The following LRRC7 variants were observed in gnomAD, a reference collection of about 807,000 sequenced individuals.
The protein encoded by LRRC7 is leucine-rich repeat-containing protein 7.
Under a neutral mutation model 175.7 loss-of-function variants are expected in LRRC7, and 23 were observed. The ratio of observed to expected loss-of-function variants is 0.13; its 90% confidence interval spans 0.09 to 0.19. LRRC7 has a LOEUF of 0.19. Ranked by LOEUF, LRRC7 falls within the 10% of genes least tolerant of loss-of-function variation. LRRC7 has a pLI of 1.00. For missense variants in LRRC7, 1,354 were observed against 1,904.7 expected (o/e 0.71, Z 5.38); for synonymous variants, 685 against 680.9 (o/e 1.01, Z -0.09).
At chr1:69,936,545 T>G (rs1648046705) in intron 8 of LRRC7, among the ~76,000 whole-genome samples, 1 of 152,188 alleles carries the variant, frequency 6.6e-6, no homozygotes, top group Non-Finnish European at 1.5e-5. Flanking sequence ...TTCCAGTTGC[T>G]TGTTGCAGGT....
intron 10 of LRRC7, among the ~76,000 whole-genome samples, chr1:69,991,067 A>C (rs1408764982): frequency 6.6e-6 from 1 of 151,178 alleles, no homozygotes; most frequent in East Asian, 2.0e-4. Context: ...AGGCAGTAGG[A>C]TTGCTTGAGC....
At chr1:69,644,608 T>TA (rs1654731516) in intron 1 of LRRC7, among the ~76,000 whole-genome samples, 1 of 151,966 alleles carries the variant, frequency 6.6e-6, no homozygotes. Context: ...TATCAACTAT[T>TA]AAAGGAAGAA....
intron 18 of LRRC7, 32 bp downstream of exon 18, chr1:70,028,403 G>A (rs772113278): frequency 1.3e-6 from 2 of 1,587,360 alleles, no homozygotes; most frequent in South Asian, 2.3e-5. Flanking sequence ...TTGCCAGTGT[G>A]GTTTGGATTT....
intron 2 of LRRC7, among the ~76,000 whole-genome samples, chr1:69,720,597 C>G (rs1036007639): frequency 1.4e-5 from 2 of 147,692 alleles, no homozygotes; most frequent in African/African-American, 5.0e-5. Context: ...TTTAGGATTT[C>G]TTTTAGTGCT....
At chr1:70,052,510 TA>T (rs1315566958) in intron 22 of LRRC7, among the ~76,000 whole-genome samples, 1 of 152,128 alleles carries the variant, frequency 6.6e-6, no homozygotes, top group Non-Finnish European at 1.5e-5. Flanking sequence ...CATAGTACCA[TA>T]AATCTTGCAC....
intron 2 of LRRC7, among the ~76,000 whole-genome samples, chr1:69,725,908 A>G (rs1023032165): frequency 6.6e-6 from 1 of 152,212 alleles, no homozygotes; most frequent in Non-Finnish European, 1.5e-5. Flanking sequence ...CTGTTTGACT[A>G]TATTTCTAAA....
intron 1 of LRRC7, among the ~76,000 whole-genome samples, chr1:69,622,869 AG>A (rs1160602341): frequency 6.6e-6 from 1 of 152,200 alleles, no homozygotes. Context: ...TACTAAATAT[AG>A]GCCAGGATAA....
At chr1:69,728,456 C>G (rs183899500) in intron 2 of LRRC7, among the ~76,000 whole-genome samples, 33 of 152,260 alleles carry the variant, frequency 2.2e-4, no homozygotes, top group African/African-American at 7.9e-4. Flanking sequence ...TAAAGCTATC[C>G]TGCAGTTCAT....
At chr1:70,111,679 TGAAAAGATGAATA>T (rs1665537801) in intron 26 of LRRC7, among the ~76,000 whole-genome samples, 1 of 152,144 alleles carries the variant, frequency 6.6e-6, no homozygotes, top group Non-Finnish European at 1.5e-5. Context: ...GTTATTCTGT[TGAAAAGATGAATA>T]GACTGGAAAA....
chr1:69,674,301 G>T (rs559754321), intron 1 of LRRC7, among the ~76,000 whole-genome samples: 114 of 152,262 alleles, frequency 7.5e-4, no homozygotes, highest in African/African-American at 2.6e-3. Flanking sequence ...GTCCAGAAAA[G>T]ATTGGTTAAA....
At chr1:69,603,019 CT>C (rs1203390192) in intron 1 of LRRC7, among the ~76,000 whole-genome samples, 1 of 152,160 alleles carries the variant, frequency 6.6e-6, no homozygotes, top group Non-Finnish European at 1.5e-5. Context: ...ACAAAATTGC[CT>C]AACAACACAT....
chr1:69,987,776 C>A (rs972774411), intron 10 of LRRC7, among the ~76,000 whole-genome samples: 4 of 152,176 alleles, frequency 2.6e-5, no homozygotes, highest in African/African-American at 9.7e-5. Flanking sequence ...TTAGTTTTAG[C>A]AAAATTGTGG....
At chr1:69,764,875 G>C (rs1225986572) in intron 3 of LRRC7, among the ~76,000 whole-genome samples, 2 of 151,958 alleles carry the variant, frequency 1.3e-5, no homozygotes, top group Admixed American at 1.3e-4. Context: ...TTCTATTACA[G>C]CTGAAATAAG....
At chr1:69,751,807 G>A (rs1669875744) in intron 2 of LRRC7, among the ~76,000 whole-genome samples, 3 of 152,132 alleles carry the variant, frequency 2.0e-5, no homozygotes, top group South Asian at 2.1e-4. Context: ...TTTGCCGTAA[G>A]TAGAACTTAA....
At chr1:69,926,107 G>A (rs1216836514) in intron 7 of LRRC7, among the ~76,000 whole-genome samples, 26 of 151,346 alleles carry the variant, frequency 1.7e-4, no homozygotes, top group African/African-American at 4.4e-4. Context: ...GTAGTTGAGC[G>A]GTTTTGAGTG....
chr1:69,810,771 C>G (rs1677746288), intron 4 of LRRC7, among the ~76,000 whole-genome samples: 1 of 152,084 alleles, frequency 6.6e-6, no homozygotes, highest in Non-Finnish European at 1.5e-5. Flanking sequence ...CAAAAATTAA[C>G]TCAGGTCAGA....
At chr1:69,780,675 A>C (rs931296656) in intron 3 of LRRC7, among the ~76,000 whole-genome samples, 1 of 152,232 alleles carries the variant, frequency 6.6e-6, no homozygotes, top group African/African-American at 2.4e-5. Flanking sequence ...TGTTTTAAAC[A>C]AAGGAAATTT....
intron 3 of LRRC7, among the ~76,000 whole-genome samples, chr1:69,771,534 A>G (rs1256870358): frequency 6.6e-6 from 1 of 152,182 alleles, no homozygotes; most frequent in Non-Finnish European, 1.5e-5. Flanking sequence ...ATCAAATATC[A>G]TTAAAATCTG....
chr1:70,038,324 A>G lies in LRRC7; in HGVS notation c.2500A>G (p.Ser834Gly). ...AENANSNPLL[S>G]SKSRSTSSHG... ...GAATGCCAACAGTAATCCTCTCTTA[A>G]GTTCGAAATCTAGAAGCACATCTTC... Residue 834 changes from serine (S) to glycine (G), a missense_variant, in exon 21 of 27, where the codon AGT (serine) becomes GGT (glycine). Around this residue, in one of 4 missense-constraint regions of LRRC7, gnomAD observed 1,032 missense variants for 1,227.2 expected, o/e 0.84. Transcript: ENST00000651989. 6.2e-7 allele frequency: 1 copy of G among 1,614,136 alleles called. No homozygotes were observed. Among genetic ancestry groups the G allele is most frequent in the East Asian group, 2.2e-5 (1 of 44,866 alleles).
Sources: gnomAD v4.1 joint callset for allele counts (sites outside exome capture counted in the v4.1 genomes callset) on GRCh38, gnomAD v4.1.1 for gene constraint, gnomAD v4.1.1 regional missense constraint, MANE v1.5 for transcripts, NCBI Gene and HGNC (gene_info 2026-07-23, HGNC 2026-07-21) for gene names.